The following INPP4B variants were observed in gnomAD, a reference collection of about 807,000 sequenced individuals.
INPP4B encodes the protein inositol polyphosphate-4-phosphatase type II B.
INPP4B carries 55 observed loss-of-function variants against 122.5 expected under a neutral mutation model. The observed-to-expected ratio is 0.45, with a 90% confidence interval of 0.36 to 0.56. The LOEUF (loss-of-function observed/expected upper bound fraction) is 0.56. INPP4B is among the 20% of genes least tolerant of loss of function. INPP4B has a pLI of 0.00. For synonymous variants in INPP4B, 403 were observed against 388.7 expected (o/e 1.04, Z -0.43); for missense variants, 1,000 against 1,097.7 (o/e 0.91, Z 1.26).
intron 9 of INPP4B, among the ~76,000 whole-genome samples, chr4:142,291,450 G>A (rs766040126): frequency 2.6e-5 from 4 of 152,134 alleles, no homozygotes; most frequent in Admixed American, 6.5e-5. Flanking sequence ...CACGGCCATC[G>A]ACAATCTTCA....
chr4:142,325,556 T>C (rs1057213493), intron 7 of INPP4B, among the ~76,000 whole-genome samples: 1 of 150,168 alleles, frequency 6.7e-6, no homozygotes, highest in Non-Finnish European at 1.5e-5. Context: ...TCTACCAAAT[T>C]ATGTATACAA....
intron 2 of INPP4B, among the ~76,000 whole-genome samples, chr4:142,676,539 C>A (rs1384426609): frequency 6.6e-6 from 1 of 152,026 alleles, no homozygotes; most frequent in East Asian, 1.9e-4. Flanking sequence ...CCAAGACAAT[C>A]CTAAGTAAAA....
intron 25 of INPP4B, among the ~76,000 whole-genome samples, chr4:142,061,853 CATAT>C (rs200861124): frequency 9.7e-6 from 1 of 102,900 alleles, no homozygotes; most frequent in Admixed American, 1.0e-4. Flanking sequence ...TACATATATA[CATAT>C]ATATATGTAC....
At chr4:142,567,195 G>T (rs374830570) in intron 2 of INPP4B, among the ~76,000 whole-genome samples, 1 of 152,190 alleles carries the variant, frequency 6.6e-6, no homozygotes, top group Admixed American at 6.5e-5. Flanking sequence ...ATTGGCAAAA[G>T]TGTTGCATTC....
At chr4:142,392,763 C>G (rs991446921) in intron 7 of INPP4B, among the ~76,000 whole-genome samples, 1 of 152,174 alleles carries the variant, frequency 6.6e-6, no homozygotes, top group African/African-American at 2.4e-5. Flanking sequence ...ATAGAGTTGG[C>G]TAAACAGAAA....
intron 1 of INPP4B, among the ~76,000 whole-genome samples, chr4:142,814,255 T>C (rs1333048753): frequency 6.6e-6 from 1 of 152,140 alleles, no homozygotes; most frequent in African/African-American, 2.4e-5. Flanking sequence ...AAAATGTCAG[T>C]GGAAGGCTGC....
At position 142,582,405 on chromosome 4, in the gene INPP4B, G is replaced by A. The variant is rs909243940; in HGVS notation, c.-190-119679C>T. ...CTACCTAGGTTCTGTTCAAGTGGGT[G>A]GTAAAAACCCAGGTAACTAGAGGTC... On this transcript the variant is annotated intron_variant, in intron 2 of 25. Coordinates refer to ENST00000262992, the MANE Select transcript of INPP4B (RefSeq NM_001101669.3). Among the ~76,000 whole-genome samples, 3 of 152,140 alleles carry A rather than the reference G, an allele frequency of 2.0e-5. No individual in the cohort carries two copies. In the East Asian group the frequency reaches 5.8e-4, roughly 29 times the overall value.
chr4:142,207,059 C>T (rs190685353), intron 14 of INPP4B, among the ~76,000 whole-genome samples: 116 of 152,140 alleles, frequency 7.6e-4, no homozygotes, highest in African/African-American at 2.6e-3. Context: ...GTATTTGTCC[C>T]TCTGTATCCT....
chr4:142,483,605 G>T (rs1820852737), intron 2 of INPP4B, among the ~76,000 whole-genome samples: 1 of 152,032 alleles, frequency 6.6e-6, no homozygotes, highest in South Asian at 2.1e-4. Flanking sequence ...GAGGCAGAGA[G>T]CTAAGACAGG....
intron 22 of INPP4B, among the ~76,000 whole-genome samples, chr4:142,109,389 A>C (rs553682677): frequency 8.5e-5 from 13 of 152,182 alleles, no homozygotes; most frequent in Non-Finnish European, 1.8e-4. Flanking sequence ...TGGAAAAATT[A>C]ATCTAACCTA....
In INPP4B at chr4:142,197,312, G is replaced by T. The variant is rs573306929; in HGVS notation, c.1073-4117C>A. On this transcript the variant is annotated intron_variant, in intron 14 of 25. Transcript: ENST00000262992. The stretch of plus-strand genomic sequence containing the variant: ...CTTCATCTTTGTGTTCTCTGACTTG[G>T]ATATTTTTCCATCCTAACCTCCCTC... Among the ~76,000 whole-genome samples the T allele has an allele frequency of 3.4e-4, 51 of 151,964 alleles. No homozygotes were observed. In the South Asian group the frequency reaches 9.8e-3, roughly 29 times the overall value.
intron 2 of INPP4B, among the ~76,000 whole-genome samples, chr4:142,639,167 A>T (rs1432514273): frequency 6.6e-6 from 1 of 151,966 alleles, no homozygotes; most frequent in African/African-American, 2.4e-5. Flanking sequence ...ACATTACTGG[A>T]TTTGATTTCT....
intron 8 of INPP4B, among the ~76,000 whole-genome samples, chr4:142,311,639 A>G (rs946369488): frequency 2.0e-5 from 3 of 152,124 alleles, no homozygotes; most frequent in African/African-American, 7.2e-5. Flanking sequence ...TATCTAACTC[A>G]CTTTCTGCCC....
chr4:142,061,853 C>CATAT (rs200861124), intron 25 of INPP4B, among the ~76,000 whole-genome samples: 1 of 102,898 alleles, frequency 9.7e-6, no homozygotes, highest in African/African-American at 3.6e-5. Context: ...TACATATATA[C>CATAT]ATATATATAT....
chr4:142,296,230 A>G (rs1197027252), intron 9 of INPP4B, among the ~76,000 whole-genome samples: 4 of 152,208 alleles, frequency 2.6e-5, no homozygotes, highest in African/African-American at 9.6e-5. Flanking sequence ...AAACTAAGAA[A>G]GTGCTAATTG....
At chr4:142,779,979 A>G (rs1324739919) in intron 1 of INPP4B, among the ~76,000 whole-genome samples, 2 of 152,114 alleles carry the variant, frequency 1.3e-5, no homozygotes, top group Admixed American at 6.5e-5. Context: ...GCCAGATAAT[A>G]AGGCTGCAGC....
chr4:142,632,844 C>G (rs574599810), intron 2 of INPP4B, among the ~76,000 whole-genome samples: 2 of 151,280 alleles, frequency 1.3e-5, no homozygotes, highest in East Asian at 3.9e-4. Context: ...CAACTTTCAA[C>G]TTGATAAAAA....
chr4:142,543,261 TAAG>T (rs1829147589), intron 2 of INPP4B, among the ~76,000 whole-genome samples: 1 of 152,160 alleles, frequency 6.6e-6, no homozygotes, highest in African/African-American at 2.4e-5. Context: ...TGTTTCCAAT[TAAG>T]TTTAGTGGTG....
intron 2 of INPP4B, among the ~76,000 whole-genome samples, chr4:142,623,649 T>C (rs950938508): frequency 6.6e-6 from 1 of 151,944 alleles, no homozygotes; most frequent in East Asian, 1.9e-4. Context: ...ACATGTGCCA[T>C]GCTCGTGTGC....
Sources: allele counts gnomAD v4.1 joint callset (sites outside exome capture counted in the v4.1 genomes callset), GRCh38; gene constraint gnomAD v4.1.1; transcripts MANE v1.5; gene names NCBI Gene and HGNC (gene_info 2026-07-23, HGNC 2026-07-21).